The following DPYD variants were observed in gnomAD, a reference collection of about 807,000 sequenced individuals.
The protein encoded by DPYD is dihydropyrimidine dehydrogenase [NADP(+)].
A neutral mutation model predicts 116.2 loss-of-function variants in DPYD; 109 were observed. The ratio of observed to expected loss-of-function variants is 0.94; its 90% CI spans 0.80 to 1.10. The LOEUF is 1.10. Among genes scored for constraint, DPYD ranks in the 50% least tolerant of loss-of-function variants. The pLI is 0.00. For missense variants in DPYD, 1,302 were observed against 1,254.5 expected (o/e 1.04, Z -0.57); for synonymous variants, 440 against 432.0 (o/e 1.02, Z -0.23).
chr1:97,391,153 C>T (rs1165700280), intron 14 of DPYD, among the ~76,000 whole-genome samples: 1 of 150,768 alleles, frequency 6.6e-6, no homozygotes. Context: ...ATTTCACATG[C>T]ATTCACTAGA....
At chr1:97,244,064 T>C (rs957224294) in intron 18 of DPYD, among the ~76,000 whole-genome samples, 4 of 151,964 alleles carry the variant, frequency 2.6e-5, no homozygotes, top group African/African-American at 4.8e-5. Context: ...TCTTTAAATT[T>C]GTCACTAGAG....
intron 3 of DPYD, among the ~76,000 whole-genome samples, chr1:97,794,485 A>C (rs1667473021): frequency 6.6e-6 from 1 of 152,216 alleles, no homozygotes; most frequent in African/African-American, 2.4e-5. Flanking sequence ...AGAAAAGCAA[A>C]TTAAAAACGT....
intron 8 of DPYD, among the ~76,000 whole-genome samples, chr1:97,656,878 G>A (rs144030625): frequency 6.9e-6 from 1 of 145,710 alleles, no homozygotes; most frequent in Non-Finnish European, 1.5e-5. Context: ...GTGTGACTTT[G>A]CTTACTATAA....
In DPYD at chr1:97,646,152, C is replaced by A. The variant is rs547901745; in HGVS notation, c.850+32943G>T. The stretch of plus-strand genomic sequence containing the variant: ...GTACAATTTCAAACATTTCATTTCA[C>A]ACAAAAATATTTTTTGTATTATAGT... On this transcript the variant is annotated intron_variant, in intron 8 of 22. Coordinates refer to ENST00000370192, the MANE Select transcript of DPYD (RefSeq NM_000110.4). Among the ~76,000 whole-genome samples the A allele has an allele frequency of 7.2e-5, 11 of 152,168 alleles. No homozygotes were observed. The South Asian group carries it at 2.3e-3, about 32-fold the overall frequency.
At chr1:97,661,383 C>T (rs1163214108) in intron 8 of DPYD, among the ~76,000 whole-genome samples, 1 of 152,118 alleles carries the variant, frequency 6.6e-6, no homozygotes, top group African/African-American at 2.4e-5. Flanking sequence ...ATTATGGAAA[C>T]ATATAGAATC....
At chr1:97,109,682 A>G (rs1570470737) in intron 20 of DPYD, among the ~76,000 whole-genome samples, 2 of 152,262 alleles carry the variant, frequency 1.3e-5, no homozygotes, top group African/African-American at 4.8e-5. Flanking sequence ...TCCCTTTTAC[A>G]GCACAGGACA....
At chr1:97,157,278 A>T (rs1048090484) in intron 20 of DPYD, among the ~76,000 whole-genome samples, 6 of 151,582 alleles carry the variant, frequency 4.0e-5, no homozygotes, top group African/African-American at 7.3e-5. Flanking sequence ...ATAATAAAAT[A>T]AAATTAAAAA....
chr1:97,292,691 C>T (rs941401240), intron 18 of DPYD, among the ~76,000 whole-genome samples: 4 of 149,140 alleles, frequency 2.7e-5, no homozygotes, highest in African/African-American at 7.4e-5. Context: ...GACACAAACA[C>T]ACATGCGTGC....
At chr1:97,808,990 C>G (rs897558044) in intron 3 of DPYD, among the ~76,000 whole-genome samples, 11 of 151,928 alleles carry the variant, frequency 7.2e-5, no homozygotes, top group African/African-American at 2.7e-4. Flanking sequence ...AATGTTTAGA[C>G]CAGTATGGCT....
chr1:97,755,510 C>G (rs915807555), intron 3 of DPYD, among the ~76,000 whole-genome samples: 5 of 152,160 alleles, frequency 3.3e-5, no homozygotes, highest in African/African-American at 1.2e-4. Context: ...CCCAGACAAG[C>G]TGGTAACTGT....
intron 11 of DPYD, among the ~76,000 whole-genome samples, chr1:97,565,240 T>G (rs1652434112): frequency 6.6e-6 from 1 of 152,090 alleles, no homozygotes; most frequent in African/African-American, 2.4e-5. Flanking sequence ...CATCTCAAAA[T>G]GTGGTTGCTT....
At chr1:97,377,302 G>A (rs1001700954) in intron 15 of DPYD, among the ~76,000 whole-genome samples, 3 of 152,014 alleles carry the variant, frequency 2.0e-5, no homozygotes, top group African/African-American at 7.2e-5. Flanking sequence ...GTTTAAAGAG[G>A]AGTGATAAAA....
intron 6 of DPYD, among the ~76,000 whole-genome samples, chr1:97,697,719 G>A (rs1398697218): frequency 6.6e-6 from 1 of 151,908 alleles, no homozygotes; most frequent in Non-Finnish European, 1.5e-5. Context: ...AAAAAAACAA[G>A]TTTAGTACTA....
intron 7 of DPYD, among the ~76,000 whole-genome samples, chr1:97,684,591 A>G (rs1475481836): frequency 6.6e-6 from 1 of 151,830 alleles, no homozygotes; most frequent in African/African-American, 2.4e-5. Context: ...ATATACACAC[A>G]CACCAATAGG....
intron 8 of DPYD, among the ~76,000 whole-genome samples, chr1:97,642,343 A>G (rs538909030): frequency 1.1e-4 from 17 of 152,146 alleles, no homozygotes; most frequent in Non-Finnish European, 2.4e-4. Context: ...TTCAAACTAT[A>G]CTACAGGGCT....
intron 15 of DPYD, among the ~76,000 whole-genome samples, chr1:97,374,718 GAAAAAA>G (rs144889184): frequency 1.7e-4 from 9 of 52,606 alleles, no homozygotes; most frequent in East Asian, 8.8e-4. Flanking sequence ...CTCCGTCTCA[GAAAAAA>G]AAAAAAAAAA....
intron 2 of DPYD, among the ~76,000 whole-genome samples, chr1:97,869,573 C>G (rs1263787519): frequency 6.6e-6 from 1 of 151,688 alleles, no homozygotes; most frequent in Non-Finnish European, 1.5e-5. Context: ...CATAAATTTC[C>G]TTTTGTGAAG....
At chr1:97,797,879 T>C (rs528521563) in intron 3 of DPYD, 1 of 152,232 alleles carries the variant, frequency 6.6e-6, no homozygotes, top group East Asian at 1.9e-4. Flanking sequence ...CTAAGATTTA[T>C]GATAAGTTCT....
At chr1:97,715,448 C>T (rs2101012194) in intron 5 of DPYD, among the ~76,000 whole-genome samples, 1 of 152,132 alleles carries the variant, frequency 6.6e-6, no homozygotes, top group Non-Finnish European at 1.5e-5. Context: ...TACAATGTTC[C>T]CTAGGACTTG....
Sources: gnomAD v4.1 joint callset for allele counts (sites outside exome capture counted in the v4.1 genomes callset) on GRCh38, gnomAD v4.1.1 for gene constraint, MANE v1.5 for transcripts, NCBI Gene and HGNC (gene_info 2026-07-23, HGNC 2026-07-21) for gene names.